TGFBI: variants seen among roughly 807,000 people sequenced by gnomAD.
TGFBI encodes the protein transforming growth factor-beta-induced protein ig-h3.
A neutral mutation model predicts 73.7 loss-of-function variants in TGFBI; 50 were observed. That is an observed-to-expected ratio of 0.68 (90% CI 0.54 to 0.86). TGFBI has a LOEUF of 0.86. Ranked by LOEUF, TGFBI falls within the 40% of genes least tolerant of loss-of-function variation. The probability of loss-of-function intolerance (pLI) is 0.00; values close to 1 mark genes in which losing one functional copy is unlikely to be tolerated. For synonymous variants in TGFBI, 362 were observed against 360.5 expected (o/e 1.00, Z -0.05); for missense variants, 839 against 877.0 (o/e 0.96, Z 0.55).
At position 136,055,979 on chromosome 5, in the gene TGFBI, G is replaced by T. The variant is rs1177525632; in HGVS notation, c.1547+163G>T. Reference sequence around the variant, plus strand: ...AGACTTGGGATGGGGAAAAGGCAAGGGTCGCCTTGAAAGCTTACATTGGGA... The same window carrying T: ...AGACTTGGGATGGGGAAAAGGCAAGTGTCGCCTTGAAAGCTTACATTGGGA... On this transcript the variant is annotated intron_variant, in intron 11 of 16. Transcript: ENST00000442011. Among the ~76,000 whole-genome samples, 9 of 152,184 alleles carry T rather than the reference G, an allele frequency of 5.9e-5. No individual in the cohort carries two copies. The South Asian group carries it at 8.3e-4, about 14-fold the overall frequency.
chr5:136,046,943 G>A lies in TGFBI; in HGVS notation c.552G>A (p.Glu184=), dbSNP rs760380062. 1.9e-6 allele frequency: 3 copies of A among 1,613,766 alleles called. No individual in the cohort carries two copies. The Admixed American group carries it at 5.0e-5, about 27-fold the overall frequency. Residue 184 remains glutamate (E), a synonymous_variant, in exon 5 of 17, where the codon GAG becomes GAA. Transcript: ENST00000442011. ...HMVGRRVLTD[E]LKHGMTLTSM... is the part of the protein sequence containing the mutation. Reference sequence around the variant, plus strand: ...TGGGCAGGCGAGTCCTGACTGATGAGCTGAAACACGGCATGACCCTCACCT... The same window carrying A: ...TGGGCAGGCGAGTCCTGACTGATGAACTGAAACACGGCATGACCCTCACCT...
rs1481976462 is a variant in TGFBI at position 136,043,991 on chromosome 5, G to C, written c.234-67G>C. ...GGCTGTGGAGGCAACTTAGTGGAGAGGGGCCAGATGACCTGTGAGGAACAG... is the reference window on the plus strand; with the variant it reads ...GGCTGTGGAGGCAACTTAGTGGAGACGGGCCAGATGACCTGTGAGGAACAG... On this transcript the variant is annotated intron_variant, in intron 2 of 16. Coordinates refer to ENST00000442011, the MANE Select transcript of TGFBI (RefSeq NM_000358.3). The C allele has an allele frequency of 1.1e-5, 15 of 1,386,040 alleles. No homozygotes were observed. In the East Asian group the frequency reaches 3.0e-4, roughly 28 times the overall value. 85.9% of individuals were successfully genotyped at this position (1,386,040 alleles called of 1,614,324 possible).
intron 2 of TGFBI, among the ~76,000 whole-genome samples, chr5:136,037,455 G>A (rs1253583258): frequency 2.0e-5 from 3 of 152,084 alleles, no homozygotes; most frequent in East Asian, 1.9e-4. Context: ...GCTGCCTCTC[G>A]ACAGGCTTCC....
At chr5:136,056,278 T>C (rs554651448) in intron 11 of TGFBI, among the ~76,000 whole-genome samples, 1 of 152,200 alleles carries the variant, frequency 6.6e-6, no homozygotes, top group Non-Finnish European at 1.5e-5. Flanking sequence ...TCATATTGAA[T>C]GTTTCCCTGT....
chr5:136,054,222 TCAG>T, intron 9 of TGFBI, 142 bp downstream of exon 9: 1 of 1,216,136 alleles, frequency 8.2e-7, no homozygotes, highest in Non-Finnish European at 1.1e-6. Context: ...AGATGTGACT[TCAG>T]CAGAAACTTC....
chr5:136,061,611 G>A (rs781100755), intron 15 of TGFBI, 32 bp downstream of exon 15: 1 of 1,590,290 alleles, frequency 6.3e-7, no homozygotes, highest in Admixed American at 1.7e-5. Flanking sequence ...CGCCTAGCCT[G>A]AGCAGCCTCA....
intron 2 of TGFBI, among the ~76,000 whole-genome samples, chr5:136,036,801 G>A (rs1751230479): frequency 6.6e-6 from 1 of 152,138 alleles, no homozygotes; most frequent in African/African-American, 2.4e-5. Flanking sequence ...ATAGGCAGTT[G>A]GAATTTTCTC....
chr5:136,042,188 C>A (rs1751352760), intron 2 of TGFBI, among the ~76,000 whole-genome samples: 1 of 152,222 alleles, frequency 6.6e-6, no homozygotes, highest in Admixed American at 6.5e-5. Context: ...CATATGCATC[C>A]CTAGTCCTAT....
At chr5:136,034,779 A>G (rs759722115) in intron 2 of TGFBI, among the ~76,000 whole-genome samples, 49 of 152,184 alleles carry the variant, frequency 3.2e-4, no homozygotes, top group Non-Finnish European at 6.6e-4. Context: ...TGTCTCCTAT[A>G]GCTAGGAAGA....
chr5:136,044,806 G>A (rs1751399596), intron 3 of TGFBI: 1 of 152,334 alleles, frequency 6.6e-6, no homozygotes, highest in South Asian at 2.1e-4. Flanking sequence ...ATCTGCGGGG[G>A]ATTGATTCTA....
intron 9 of TGFBI, among the ~76,000 whole-genome samples, chr5:136,054,289 C>T (rs1751587533): frequency 6.6e-6 from 1 of 152,170 alleles, no homozygotes; most frequent in African/African-American, 2.4e-5. Flanking sequence ...GGGAGCCGTT[C>T]CTCAGAACTC....
At chr5:136,059,069 T>C (rs1751699925) in intron 12 of TGFBI, 21 bp from the exon 13 acceptor site, 1 of 1,606,774 alleles carries the variant, frequency 6.2e-7, no homozygotes, top group Admixed American at 1.7e-5. Context: ...TAACTCTATC[T>C]CCTTTTCCCG....
In TGFBI at chr5:136,054,053, C is replaced by G. The variant is rs1036119905; in HGVS notation, c.1237C>G (p.Leu413Val). The change falls in exon 9 of 17, where the codon CTG (leucine) becomes GTG (valine). Residue 413 changes from leucine (L) to valine (V), a missense_variant. Leu to Val is a conservative substitution (Grantham distance 32). Transcript: ENST00000442011. ...HLSGSERLTL[L>V]APLNSVFKDG... ...CTCTGGAAGTGAGCGGTTGACCCTC[C>G]TGGCTCCCCTGAATTCTGTATTCAA... is the stretch of plus-strand genomic sequence containing the variant. 32 of 1,613,870 alleles carry G rather than the reference C, an allele frequency of 2.0e-5. No individual in the cohort carries two copies. In the Admixed American group the frequency reaches 5.3e-4, roughly 27 times the overall value.
intron 2 of TGFBI, 58 bp downstream of exon 2, chr5:136,033,919 C>T (rs1186963632): frequency 7.7e-6 from 11 of 1,437,860 alleles, no homozygotes; most frequent in Admixed American, 5.4e-5. Context: ...TGCAGTTCCC[C>T]AGGGCCTGGG....
chr5:136,036,919 A>G (rs1751235668), intron 2 of TGFBI, among the ~76,000 whole-genome samples: 1 of 152,184 alleles, frequency 6.6e-6, no homozygotes, highest in South Asian at 2.1e-4. Context: ...TCAAGAAACC[A>G]GAAGGAGAAT....
At chr5:136,061,172 C>T in intron 14 of TGFBI, 1 of 581,244 alleles carries the variant, frequency 1.7e-6, no homozygotes, top group Non-Finnish European at 3.1e-6. Flanking sequence ...TATTAGCTCC[C>T]CTCGGACACA....
rs1274222106 is a variant in TGFBI at position 136,055,780 on chromosome 5, C to T, written c.1511C>T (p.Thr504Ile). ...MDRVLTPPMG[T>I]VMDVLKGDNR... ...CGGGTGCTGACCCCCCCAATGGGGACTGTCATGGATGTCCTGAAGGGAGAC... is the reference window on the plus strand; with the variant it reads ...CGGGTGCTGACCCCCCCAATGGGGATTGTCATGGATGTCCTGAAGGGAGAC... The change falls in exon 11 of 17, where the codon ACT becomes ATT. Residue 504 changes from threonine (T) to isoleucine (I), a missense_variant. Physicochemically the swap from Thr to Ile is moderately conservative, Grantham distance 89 (BLOSUM62 -1). Coordinates refer to ENST00000442011, the MANE Select transcript of TGFBI (RefSeq NM_000358.3). 6.2e-7 allele frequency: 1 copy of T among 1,612,486 alleles called. No individual in the cohort carries two copies. The highest frequency in any genetic ancestry group is 8.5e-7 in the Non-Finnish European group (1 of 1,178,942).
At chr5:136,056,872 C>T (rs1751644598) in intron 12 of TGFBI, 77 bp downstream of exon 12, 8 of 1,494,328 alleles carry the variant, frequency 5.4e-6, no homozygotes, top group Non-Finnish European at 6.3e-6. Flanking sequence ...AAACAGTTGG[C>T]ACATCAAGGA....
chr5:136,033,912 AGTTCCCCAGGGCCTGG>A, intron 2 of TGFBI, 51 bp downstream of exon 2: 2 of 1,483,512 alleles, frequency 1.3e-6, no homozygotes, highest in Non-Finnish European at 1.9e-6. Context: ...CGCTGGCTGC[AGTTCCCCAGGGCCTGG>A]GCCAGCCTTC....
Sources: allele counts gnomAD v4.1 joint callset (sites outside exome capture counted in the v4.1 genomes callset), GRCh38; gene constraint gnomAD v4.1.1; transcripts MANE v1.5; gene names NCBI Gene and HGNC (gene_info 2026-07-23, HGNC 2026-07-21).